The following SPAG9 variants were observed in gnomAD, a reference collection of about 807,000 sequenced individuals.
SPAG9 encodes the protein sperm associated antigen 9.
SPAG9 carries 35 observed loss-of-function variants against 166.5 expected under a neutral mutation model. The ratio of observed to expected loss-of-function variants is 0.21; its 90% CI spans 0.16 to 0.28. SPAG9 has a LOEUF of 0.28. Ranked by LOEUF, SPAG9 falls within the 10% of genes least tolerant of loss-of-function variation. The probability of loss-of-function intolerance (pLI) is 1.00; values close to 1 mark genes in which losing one functional copy is unlikely to be tolerated. For synonymous variants in SPAG9, 534 were observed against 565.5 expected, an observed-to-expected ratio of 0.94 and a Z score of 0.79; for missense variants, 1,235 against 1,603.3, an observed-to-expected ratio of 0.77 and a Z score of 3.92.
chr17:51,077,041 T>TAGCTAGCTAG (rs2048015977), intron 2 of SPAG9, among the ~76,000 whole-genome samples: 2 of 98,550 alleles, frequency 2.0e-5, no homozygotes, highest in East Asian at 4.8e-4. Flanking sequence ...TATCTAGCTA[T>TAGCTAGCTAG]CTAGCTATCT....
intron 3 of SPAG9, among the ~76,000 whole-genome samples, chr17:51,051,191 C>T (rs990598710): frequency 1.3e-5 from 2 of 152,144 alleles, no homozygotes; most frequent in Non-Finnish European, 2.9e-5. Flanking sequence ...CTCACTGCAA[C>T]CTCCACCTCC....
At chr17:51,007,054 C>CA (rs1376361265) in intron 10 of SPAG9, among the ~76,000 whole-genome samples, 2 of 151,220 alleles carry the variant, frequency 1.3e-5, no homozygotes, top group Non-Finnish European at 2.9e-5. Flanking sequence ...TGTGTTTCTA[C>CA]AAAAAAACAG....
chr17:51,099,319 G>A (rs2048735103), intron 1 of SPAG9, among the ~76,000 whole-genome samples: 1 of 148,252 alleles, frequency 6.7e-6, no homozygotes, highest in Middle Eastern at 3.6e-3. Context: ...TATAATCCCA[G>A]CTACTTGGGA....
In SPAG9 at chr17:51,055,822, G is replaced by A. The variant is rs113274372; in HGVS notation, c.495+590C>T. On this transcript the variant is annotated intron_variant, in intron 3 of 29. Transcript: ENST00000262013. ...ACAAAAGCAACATGAAAGGCTGACA[G>A]GGAATCATAAAAAGGTTAAAAAACC... Among the ~76,000 whole-genome samples the A allele has an allele frequency of 2.6e-3, 398 of 152,186 alleles. 1 individual carries two copies. Among genetic ancestry groups the A allele is most frequent in the African/African-American group, 9.1e-3 (379 of 41,522 alleles).
intron 6 of SPAG9, among the ~76,000 whole-genome samples, chr17:51,026,651 T>C (rs1156474390): frequency 2.0e-5 from 3 of 150,806 alleles, no homozygotes; most frequent in Non-Finnish European, 4.4e-5. Context: ...ATTTTAGGGG[T>C]TGAGCCCTTT....
At chr17:51,057,457 G>C (rs1217943448) in intron 2 of SPAG9, among the ~76,000 whole-genome samples, 1 of 152,178 alleles carries the variant, frequency 6.6e-6, no homozygotes, top group Non-Finnish European at 1.5e-5. Context: ...TCTACAACTG[G>C]TGACTGTGGA....
chr17:51,044,285 A>G (rs1025163809), intron 4 of SPAG9, among the ~76,000 whole-genome samples: 10 of 152,242 alleles, frequency 6.6e-5, no homozygotes, highest in African/African-American at 2.2e-4. Context: ...TAAATGCTTC[A>G]AACTCACAGA....
At chr17:51,052,184 T>TC (rs747849254) in intron 3 of SPAG9, among the ~76,000 whole-genome samples, 1 of 152,252 alleles carries the variant, frequency 6.6e-6, no homozygotes, top group Non-Finnish European at 1.5e-5. Flanking sequence ...AAAGACATTA[T>TC]CTTCTTTGGA....
intron 2 of SPAG9, among the ~76,000 whole-genome samples, chr17:51,057,942 G>A (rs1465255028): frequency 6.6e-6 from 1 of 152,032 alleles, no homozygotes; most frequent in African/African-American, 2.4e-5. Context: ...TTAAAAACAG[G>A]AAATCCAAGC....
At chr17:51,087,373 C>T (rs182474084) in intron 1 of SPAG9, among the ~76,000 whole-genome samples, 2 of 152,202 alleles carry the variant, frequency 1.3e-5, no homozygotes, top group African/African-American at 2.4e-5. Context: ...GAAACAGAGA[C>T]GGTGTCATGA....
At chr17:50,984,123 C>T (rs1974853432) in intron 24 of SPAG9, among the ~76,000 whole-genome samples, 1 of 152,114 alleles carries the variant, frequency 6.6e-6, no homozygotes, top group African/African-American at 2.4e-5. Context: ...CGGAGGAATA[C>T]ATACTAAATT....
chr17:51,077,280 T>A (rs996979338), intron 2 of SPAG9, among the ~76,000 whole-genome samples: 1 of 151,950 alleles, frequency 6.6e-6, no homozygotes, highest in Non-Finnish European at 1.5e-5. Flanking sequence ...AGTGCCACCA[T>A]GTCCGGCTAA....
Position 50,989,794 on chromosome 17 carries a change from G to C in SPAG9, c.2696C>G (p.Ala899Gly). The change falls in exon 21 of 30, where the codon GCG (alanine) becomes GGG (glycine). Residue 899 changes from alanine (A) to glycine (G), a missense_variant. Physicochemically the swap from Ala to Gly is moderately conservative, Grantham distance 60. This residue lies in a region of SPAG9 where 493 missense variants were observed against 559.4 expected (regional missense o/e 0.88). Coordinates refer to ENST00000262013, the MANE Select transcript of SPAG9 (RefSeq NM_001130528.3). The part of the protein sequence containing the change: ...EEATEATEGN[A>G]GSAEDTVDIS... ...GTCCACTGTGTCTTCAGCTGACCCC[G>C]CATTCCCTTCTGTAGCTTCAGTTGC... 6.2e-7 allele frequency: 1 copy of C among 1,613,990 alleles called. No homozygotes were observed. Among genetic ancestry groups the C allele is most frequent in the Non-Finnish European group, 8.5e-7 (1 of 1,179,940 alleles).
chr17:50,985,714 A>C lies in SPAG9; in HGVS notation c.3004T>G (p.Ser1002Ala). ...KCLHSIKLKD[S>A]ILSIVHVKGI... ...AAAACTTACACAATACTGAGAATCG[A>C]ATCTTTAAGTTTAATGGAATGGAGA... Residue 1002 changes from serine (S) to alanine (A), a missense_variant, in exon 23 of 30, where the codon TCG becomes GCG. Physicochemically the swap from Ser to Ala is moderately conservative, Grantham distance 99 (BLOSUM62 1). Coordinates refer to ENST00000262013, the MANE Select transcript of SPAG9 (RefSeq NM_001130528.3). The C allele has an allele frequency of 6.3e-7, 1 of 1,597,544 alleles. No individual in the cohort carries two copies.
intron 24 of SPAG9, among the ~76,000 whole-genome samples, chr17:50,983,789 T>C (rs1025036995): frequency 2.0e-5 from 3 of 152,120 alleles, no homozygotes; most frequent in Admixed American, 1.3e-4. Context: ...ATCTATAAAA[T>C]GAGGATGACC....
At chr17:51,077,013 G>GCTAT (rs1491314541) in intron 2 of SPAG9, among the ~76,000 whole-genome samples, 1,509 of 62,666 alleles carry the variant, frequency 0.024, 85 homozygotes, top group East Asian at 0.088. Context: ...TAGCTAGCTA[G>GCTAT]CTAGCTATCT....
chr17:51,103,015 T>C (rs370251998), intron 1 of SPAG9, among the ~76,000 whole-genome samples: 236 of 152,268 alleles, frequency 1.5e-3, no homozygotes, highest in African/African-American at 5.5e-3. Context: ...ATAGTAAGTA[T>C]AAGGCAATGT....
At chr17:51,096,040 T>TATATATATATATATAGTG (rs1568084179) in intron 1 of SPAG9, among the ~76,000 whole-genome samples, 38 of 133,536 alleles carry the variant, frequency 2.8e-4, no homozygotes, top group African/African-American at 1.1e-3. Context: ...TATATAGTGA[T>TATATATATATATATAGTG]ATATATATAT....
chr17:51,024,847 T>C (rs1490048621), intron 6 of SPAG9, among the ~76,000 whole-genome samples: 1 of 151,280 alleles, frequency 6.6e-6, no homozygotes, highest in East Asian at 1.9e-4. Flanking sequence ...AATAATAATG[T>C]ATTGTACACT....
Sources: gnomAD v4.1 joint callset for allele counts (sites outside exome capture counted in the v4.1 genomes callset) on GRCh38, gnomAD v4.1.1 for gene constraint, gnomAD v4.1.1 regional missense constraint, MANE v1.5 for transcripts, NCBI Gene and HGNC (gene_info 2026-07-23, HGNC 2026-07-21) for gene names.